The following GALNT13 variants were observed in gnomAD, a reference collection of about 807,000 sequenced individuals.
The protein encoded by GALNT13 is polypeptide N-acetylgalactosaminyltransferase 13.
GALNT13 carries 28 observed loss-of-function variants against 64.2 expected under a neutral mutation model. The observed-to-expected ratio is 0.44, with a 90% confidence interval of 0.32 to 0.60. GALNT13 has a LOEUF of 0.60. GALNT13 is among the 20% of genes least tolerant of loss of function. The pLI is 0.05. For synonymous variants in GALNT13, 214 were observed against 224.6 expected (o/e 0.95, Z 0.42); for missense variants, 577 against 669.8 (o/e 0.86, Z 1.53).
chr2:154,344,873 G>C (rs1394982237), intron 9 of GALNT13, among the ~76,000 whole-genome samples: 3 of 151,976 alleles, frequency 2.0e-5, no homozygotes, highest in African/African-American at 7.2e-5. Context: ...GCTTTTAGAA[G>C]AGTTAACTGG....
the GALNT13 span, among the ~76,000 whole-genome samples, chr2:153,238,494 A>G: frequency 6.6e-6 from 1 of 151,924 alleles, no homozygotes; most frequent in Non-Finnish European, 1.5e-5. Context: ...ATCCATTTTG[A>G]TTTGAGTTTT....
At chr2:154,035,532 A>C (rs1217452645) in intron 3 of GALNT13, among the ~76,000 whole-genome samples, 1 of 152,070 alleles carries the variant, frequency 6.6e-6, no homozygotes, top group African/African-American at 2.4e-5. Context: ...ATGATTAATT[A>C]GTCATTTTTT....
the GALNT13 span, among the ~76,000 whole-genome samples, chr2:153,435,424 T>G: frequency 7.9e-5 from 12 of 152,124 alleles, no homozygotes; most frequent in Non-Finnish European, 1.8e-4. Flanking sequence ...TTGGGCAGTA[T>G]GGCCATTTTC....
intron 3 of GALNT13, among the ~76,000 whole-genome samples, chr2:154,100,669 C>T (rs1344441805): frequency 1.3e-5 from 2 of 151,924 alleles, no homozygotes; most frequent in African/African-American, 2.4e-5. Flanking sequence ...TTTCACTTGC[C>T]GTTTTCCAAT....
intron 7 of GALNT13, among the ~76,000 whole-genome samples, chr2:154,249,821 T>C (rs1221314517): frequency 1.3e-5 from 2 of 152,144 alleles, no homozygotes; most frequent in African/African-American, 4.8e-5. Context: ...TACCTAATTT[T>C]ATATTCCTTT....
At chr2:153,499,894 C>G in the GALNT13 span, among the ~76,000 whole-genome samples, 2 of 152,028 alleles carry the variant, frequency 1.3e-5, 1 homozygote, top group South Asian at 4.1e-4. Flanking sequence ...ACAGCTGCGG[C>G]TGGGCAGCTG....
the GALNT13 span, among the ~76,000 whole-genome samples, chr2:153,142,586 G>T: frequency 6.6e-6 from 1 of 151,800 alleles, no homozygotes; most frequent in Non-Finnish European, 1.5e-5. Flanking sequence ...GAGAATGAGC[G>T]TGAGAGAGAG....
At chr2:154,248,518 T>C (rs780079616) in intron 7 of GALNT13, among the ~76,000 whole-genome samples, 3 of 152,166 alleles carry the variant, frequency 2.0e-5, no homozygotes, top group Non-Finnish European at 4.4e-5. Flanking sequence ...CTTTTTAAAC[T>C]GGAGGTCATA....
intron 1 of GALNT13, among the ~76,000 whole-genome samples, chr2:153,899,228 C>A (rs572327417): frequency 2.6e-4 from 39 of 152,202 alleles, no homozygotes; most frequent in African/African-American, 7.0e-4. Context: ...TAAGATGAAA[C>A]CCAGGTCAGA....
chr2:154,362,854 A>G (rs1026694513), intron 9 of GALNT13, among the ~76,000 whole-genome samples: 1 of 152,214 alleles, frequency 6.6e-6, no homozygotes, highest in African/African-American at 2.4e-5. Context: ...TATATGGCTC[A>G]ATAATTAGCG....
At chr2:153,889,636 C>T (rs1262176459) in intron 1 of GALNT13, among the ~76,000 whole-genome samples, 1 of 152,056 alleles carries the variant, frequency 6.6e-6, no homozygotes, top group African/African-American at 2.4e-5. Flanking sequence ...CTACATCTCA[C>T]AGTAACTGGG....
chr2:153,606,191 C>T, the GALNT13 span, among the ~76,000 whole-genome samples: 1 of 152,008 alleles, frequency 6.6e-6, no homozygotes, highest in Admixed American at 6.6e-5. Flanking sequence ...GTATATATAT[C>T]TATTTGTATG....
chr2:153,414,750 C>T, the GALNT13 span, among the ~76,000 whole-genome samples: 1 of 152,188 alleles, frequency 6.6e-6, no homozygotes, highest in Non-Finnish European at 1.5e-5. Context: ...AGTTTTTCCA[C>T]TTTACCCTAG....
At chr2:153,612,599 C>T in the GALNT13 span, among the ~76,000 whole-genome samples, 1 of 151,376 alleles carries the variant, frequency 6.6e-6, no homozygotes, top group African/African-American at 2.4e-5. Flanking sequence ...TTGACATCTC[C>T]AGTACATTCG....
the GALNT13 span, among the ~76,000 whole-genome samples, chr2:153,384,492 G>A: frequency 6.6e-6 from 1 of 151,966 alleles, no homozygotes; most frequent in African/African-American, 2.4e-5. Context: ...ACTGTATAAA[G>A]TAGGAAATGT....
chr2:154,443,555 G>C (rs1403725238), intron 12 of GALNT13, among the ~76,000 whole-genome samples: 1 of 151,846 alleles, frequency 6.6e-6, no homozygotes, highest in Non-Finnish European at 1.5e-5. Flanking sequence ...ACTGAGACCT[G>C]TGCGATTGGC....
intron 3 of GALNT13, among the ~76,000 whole-genome samples, chr2:154,027,235 A>G (rs1698033553): frequency 6.6e-6 from 1 of 152,066 alleles, no homozygotes; most frequent in Admixed American, 6.6e-5. Context: ...CCTTGTTCCT[A>G]GTTTCTTTTT....
the GALNT13 span, among the ~76,000 whole-genome samples, chr2:153,168,194 G>C: frequency 6.6e-6 from 1 of 152,146 alleles, no homozygotes; most frequent in Non-Finnish European, 1.5e-5. Context: ...ATGAAGGACA[G>C]GACATTTTCA....
At chr2:153,447,018 A>G in the GALNT13 span, 1 of 152,212 alleles carries the variant, frequency 6.6e-6, no homozygotes, top group Non-Finnish European at 1.5e-5. Context: ...TATTCTTTAC[A>G]TTGAAAGGTT....
Sources: allele counts gnomAD v4.1 joint callset (sites outside exome capture counted in the v4.1 genomes callset), GRCh38; gene constraint gnomAD v4.1.1; transcripts MANE v1.5; gene names NCBI Gene and HGNC (gene_info 2026-07-23, HGNC 2026-07-21).